NCALD: variants seen among roughly 807,000 people sequenced by gnomAD.
NCALD encodes neurocalcin-delta.
In NCALD, 10 loss-of-function variants were observed where a neutral mutation model predicts 18.6. That is an observed-to-expected ratio of 0.54 (90% CI 0.33 to 0.91). The LOEUF is 0.91. Among genes scored for constraint, NCALD ranks in the 40% least tolerant of loss-of-function variants. The pLI, the probability that NCALD is intolerant of heterozygous loss-of-function variation, is 0.03. For synonymous variants in NCALD, 88 were observed against 87.4 expected (o/e 1.01, Z -0.04); for missense variants, 184 against 247.6 (o/e 0.74, Z 1.72).
At chr8:101,729,577 A>AT (rs1417484735) in intron 1 of NCALD, among the ~76,000 whole-genome samples, 1 of 152,136 alleles carries the variant, frequency 6.6e-6, no homozygotes, top group East Asian at 1.9e-4. Context: ...TTGTTCTCAT[A>AT]ACCCCTGCAG....
At position 102,053,162 on chromosome 8, in the gene NCALD, T is replaced by C. The variant is rs74689766; in HGVS notation, c.-209-32873A>G. ...TATGCCCAGAAACTCTTTGTCTGTATGTTTAAAAATTCACCATATGTCATA... is the reference window on the plus strand; with the variant it reads ...TATGCCCAGAAACTCTTTGTCTGTACGTTTAAAAATTCACCATATGTCATA... On this transcript the variant is annotated intron_variant, in intron 1 of 6. Coordinates refer to the NCALD transcript ENST00000311028. 0.01 allele frequency among the ~76,000 whole-genome samples: 1,576 copies of C among 152,324 alleles called. 69 individuals are homozygous for C. In the East Asian group the frequency reaches 0.12, roughly 11 times the overall value.
chr8:101,859,626 A>C (rs1815459381), intron 4 of NCALD, among the ~76,000 whole-genome samples: 1 of 152,160 alleles, frequency 6.6e-6, no homozygotes, highest in Non-Finnish European at 1.5e-5. Context: ...GAGATTTTTT[A>C]AGTTTAATAA....
chr8:101,906,421 C>T (rs1200508892), intron 3 of NCALD, among the ~76,000 whole-genome samples: 1 of 152,154 alleles, frequency 6.6e-6, no homozygotes, highest in East Asian at 1.9e-4. Flanking sequence ...CTTTGCATAC[C>T]GTTCGGTCTC....
At chr8:101,925,652 C>A (rs546058398) in intron 2 of NCALD, among the ~76,000 whole-genome samples, 4 of 152,208 alleles carry the variant, frequency 2.6e-5, no homozygotes, top group South Asian at 2.1e-4. Context: ...CAATGATGTC[C>A]TTGAGGGCAT....
intron 1 of NCALD, among the ~76,000 whole-genome samples, chr8:102,054,872 T>C (rs1054222717): frequency 2.0e-5 from 3 of 152,198 alleles, no homozygotes; most frequent in African/African-American, 7.2e-5. Flanking sequence ...ACACACGTCT[T>C]ATTGATTCTG....
chr8:101,914,990 ATTTAT>A (rs1817926035), intron 3 of NCALD, among the ~76,000 whole-genome samples: 1 of 152,204 alleles, frequency 6.6e-6, no homozygotes, highest in Non-Finnish European at 1.5e-5. Context: ...TGTATTCTTA[ATTTAT>A]TTTAATTTAT....
At chr8:102,044,554 A>C (rs1216320618) in intron 1 of NCALD, among the ~76,000 whole-genome samples, 2 of 152,250 alleles carry the variant, frequency 1.3e-5, no homozygotes, top group African/African-American at 2.4e-5. Context: ...TATTGAGCCT[A>C]TAACGCGGTA....
chr8:101,757,701 T>G (rs1208888660), intron 1 of NCALD, among the ~76,000 whole-genome samples: 1 of 152,204 alleles, frequency 6.6e-6, no homozygotes, highest in Non-Finnish European at 1.5e-5. Context: ...AAAAATTTAT[T>G]ATAGTGTTTC....
At chr8:101,727,994 C>G (rs532106415) in intron 1 of NCALD, among the ~76,000 whole-genome samples, 1 of 152,264 alleles carries the variant, frequency 6.6e-6, no homozygotes, top group East Asian at 1.9e-4. Flanking sequence ...TGGGTCACAC[C>G]CAGTCTCCTA....
intron 1 of NCALD, among the ~76,000 whole-genome samples, chr8:102,102,611 G>T (rs1287904028): frequency 1.3e-5 from 2 of 152,154 alleles, no homozygotes; most frequent in Non-Finnish European, 2.9e-5. Context: ...AGCTTCCGAG[G>T]CATGACCCCC....
chr8:101,794,510 C>T (rs1213494270), upstream of NCALD, among the ~76,000 whole-genome samples: 2 of 152,118 alleles, frequency 1.3e-5, no homozygotes, highest in Admixed American at 1.3e-4. Context: ...CAAACTTAAC[C>T]CTACTCATAC....
At position 101,745,668 on chromosome 8, in the gene NCALD, G is replaced by C. The variant is rs117954899; in HGVS notation, c.-19-26020C>G. Among the ~76,000 whole-genome samples the C allele has an allele frequency of 7.7e-3, 1,180 of 152,280 alleles. 9 individuals are homozygous for C. Among genetic ancestry groups the C allele is most frequent in the Middle Eastern group, 0.038 (11 of 292 alleles). On this transcript the variant is annotated intron_variant, in intron 1 of 3. Transcript: ENST00000220931. ...CTATTTGGCATCACCACAATCACCTGCAATGTGATACGTCTCTAACTCATC... is the reference window on the plus strand; with the variant it reads ...CTATTTGGCATCACCACAATCACCTCCAATGTGATACGTCTCTAACTCATC...
chr8:101,907,909 T>G (rs1003637863), intron 3 of NCALD, among the ~76,000 whole-genome samples: 8 of 152,214 alleles, frequency 5.3e-5, no homozygotes, highest in Admixed American at 1.3e-4. Flanking sequence ...GCTACGTGCC[T>G]CTTTTATTGG....
chr8:102,046,691 G>C (rs1184062347), intron 1 of NCALD, among the ~76,000 whole-genome samples: 1 of 151,802 alleles, frequency 6.6e-6, no homozygotes, highest in Non-Finnish European at 1.5e-5. Context: ...TTTTTGTAGA[G>C]ATGCGGTTTG....
At chr8:102,064,763 G>A (rs1052793929) in intron 1 of NCALD, among the ~76,000 whole-genome samples, 2 of 152,060 alleles carry the variant, frequency 1.3e-5, no homozygotes, top group Non-Finnish European at 2.9e-5. Context: ...TACCACACAG[G>A]AATGAAAACT....
At chr8:101,767,637 C>T (rs1211384239) in intron 1 of NCALD, among the ~76,000 whole-genome samples, 7 of 152,224 alleles carry the variant, frequency 4.6e-5, no homozygotes, top group South Asian at 2.1e-4. Flanking sequence ...CCCTCTTCTA[C>T]GATGTTGAGA....
At chr8:102,088,743 T>C (rs1255094233) in intron 1 of NCALD, among the ~76,000 whole-genome samples, 3 of 152,198 alleles carry the variant, frequency 2.0e-5, no homozygotes, top group Non-Finnish European at 2.9e-5. Context: ...GTTTTCCTCA[T>C]GGAACCCCAG....
Position 101,687,790 on chromosome 8 carries a change from C to G in NCALD, c.*1519G>C, listed in dbSNP as rs1034210675. The stretch of plus-strand genomic sequence containing the variant: ...AAGAGTATGACTCGCCTGTAACCAG[C>G]AAATTTTTACTCTTAGCTTTCAATT... On this transcript the variant is annotated 3_prime_UTR_variant, in exon 4 of 4. Transcript: ENST00000220931. The G allele has an allele frequency of 6.6e-6, 1 of 152,226 alleles. No individual in the cohort carries two copies. Among genetic ancestry groups the G allele is most frequent in the Non-Finnish European group, 1.5e-5 (1 of 68,046 alleles). The allele number at this position is 152,226 out of a possible 1,614,324, so 9.4% of individuals were successfully genotyped here.
rs1332980034 is a variant in NCALD at position 101,868,915 on chromosome 8, A to G, written c.-20+18226T>C. On this transcript the variant is annotated intron_variant, in intron 4 of 6. Transcript: ENST00000311028. ...ATTGCTTTGCTGTGTATTTTGTCTA[A>G]TTCTTTGTTCAAAATGCCAAGAACC... Among the ~76,000 whole-genome samples, 3 of 152,170 alleles carry G rather than the reference A, an allele frequency of 2.0e-5. No individual in the cohort carries two copies. The East Asian group carries it at 5.8e-4, about 29-fold the overall frequency.
Sources: gnomAD v4.1 joint callset for allele counts (sites outside exome capture counted in the v4.1 genomes callset) on GRCh38, gnomAD v4.1.1 for gene constraint, MANE v1.5 for transcripts, NCBI Gene and HGNC (gene_info 2026-07-23, HGNC 2026-07-21) for gene names.